Variants in RNF217 observed in about 807,000 individuals in gnomAD.
RNF217 encodes the protein E3 ubiquitin-protein ligase RNF217.
Under a neutral mutation model 57.8 loss-of-function variants are expected in RNF217, and 31 were observed. The observed-to-expected ratio is 0.54, with a 90% confidence interval of 0.40 to 0.72. The LOEUF is 0.72. Among genes scored for constraint, RNF217 ranks in the 30% least tolerant of loss-of-function variants. The pLI is 0.00. For synonymous variants in RNF217, 313 were observed against 294.0 expected (o/e 1.06, Z -0.66); for missense variants, 696 against 708.3 (o/e 0.98, Z 0.20).
chr6:125,020,411 T>C (rs1382486778), intron 1 of RNF217, among the ~76,000 whole-genome samples: 1 of 152,182 alleles, frequency 6.6e-6, no homozygotes, highest in Admixed American at 6.5e-5. Flanking sequence ...AGACAAACAA[T>C]ATTCTGTGAG....
intron 3 of RNF217, among the ~76,000 whole-genome samples, chr6:125,067,127 T>C (rs144840539): frequency 1.3e-5 from 2 of 152,278 alleles, no homozygotes; most frequent in East Asian, 3.9e-4. Flanking sequence ...AGATTACAAT[T>C]AAAACTGCAA....
intron 2 of RNF217, among the ~76,000 whole-genome samples, chr6:125,056,466 A>G (rs1787526912): frequency 6.6e-6 from 1 of 152,218 alleles, no homozygotes; most frequent in Admixed American, 6.5e-5. Context: ...ATTTTTATAT[A>G]AAGTTAATAA....
At chr6:125,045,143 CAA>C (rs34249175) in intron 1 of RNF217, 66 bp from the exon 2 acceptor site, 548 of 865,816 alleles carry the variant, frequency 6.3e-4, no homozygotes, top group Non-Finnish European at 7.4e-4. Context: ...ATACTGTATA[CAA>C]AAAAAAAAAT....
At chr6:125,065,178 C>T (rs1787890612) in intron 3 of RNF217, among the ~76,000 whole-genome samples, 1 of 150,766 alleles carries the variant, frequency 6.6e-6, no homozygotes. Context: ...GTAGTCCCAG[C>T]TACTTGGGAG....
At chr6:125,013,552 A>G (rs1455489000) in intron 1 of RNF217, among the ~76,000 whole-genome samples, 1 of 148,718 alleles carries the variant, frequency 6.7e-6, no homozygotes, top group Non-Finnish European at 1.5e-5. Flanking sequence ...ATGTCTGGGA[A>G]AAAAAAAAAA....
rs1788951561 is a variant in RNF217 at position 125,091,522 on chromosome 6, C to T, written c.*8585C>T. On this transcript the variant is annotated 3_prime_UTR_variant, in exon 6 of 6. Transcript: ENST00000521654. The stretch of plus-strand genomic sequence containing the variant: ...ATGTATTTTTCTTAAATTCATTGTT[C>T]ATTTTTAAGCTAACCTATACAAATG... The T allele has an allele frequency of 6.6e-6, 1 of 152,024 alleles. No homozygotes were observed. Among genetic ancestry groups the T allele is most frequent in the Non-Finnish European group, 1.5e-5 (1 of 67,960 alleles). The allele number at this position is 152,024 out of a possible 1,614,324, so 9.4% of individuals were successfully genotyped here.
At chr6:125,020,965 A>G (rs1404219709) in intron 1 of RNF217, among the ~76,000 whole-genome samples, 1 of 152,168 alleles carries the variant, frequency 6.6e-6, no homozygotes, top group Non-Finnish European at 1.5e-5. Flanking sequence ...AGAATTCATC[A>G]TGGCAAGTTG....
chr6:124,966,118 TAAGTTGGTTATTAA>T (rs753414168), intron 1 of RNF217, among the ~76,000 whole-genome samples: 13 of 152,230 alleles, frequency 8.5e-5, no homozygotes, highest in Non-Finnish European at 1.8e-4. Flanking sequence ...ACAGGTTTGC[TAAGTTGGTTATTAA>T]ACTTAGAATT....
At chr6:125,014,169 A>G (rs963575026) in intron 1 of RNF217, among the ~76,000 whole-genome samples, 5 of 152,190 alleles carry the variant, frequency 3.3e-5, no homozygotes, top group African/African-American at 1.2e-4. Flanking sequence ...ATGGATGGTC[A>G]TTAACTAAAT....
intron 1 of RNF217, among the ~76,000 whole-genome samples, chr6:125,022,999 A>C (rs1370113762): frequency 6.6e-6 from 1 of 152,168 alleles, no homozygotes; most frequent in Non-Finnish European, 1.5e-5. Context: ...TGCCAGAATA[A>C]ACAAGGCACA....
intron 5 of RNF217, chr6:125,082,333 G>T: frequency 9.6e-7 from 1 of 1,045,914 alleles, no homozygotes; most frequent in Non-Finnish European, 1.3e-6. Context: ...TGTCAACTTG[G>T]GTTTAGCAAG....
rs888446410 is a variant in RNF217 at position 125,087,476 on chromosome 6, A to G, written c.*4539A>G. On this transcript the variant is annotated 3_prime_UTR_variant, in exon 6 of 6. Coordinates refer to ENST00000521654, the MANE Select transcript of RNF217 (RefSeq NM_001286398.3). Reference sequence around the variant, plus strand: ...TTTTGTGTTAATATCTATTATAAATATAGCCTTAAAATTTTGTAATGCACT... The same window carrying G: ...TTTTGTGTTAATATCTATTATAAATGTAGCCTTAAAATTTTGTAATGCACT... The G allele has an allele frequency of 1.3e-5, 2 of 152,138 alleles. No homozygotes were observed. Among genetic ancestry groups the G allele is most frequent in the Non-Finnish European group, 2.9e-5 (2 of 68,014 alleles). 9.4% of individuals were successfully genotyped at this position (152,138 alleles called of 1,614,324 possible).
chr6:125,019,393 C>T (rs1444588591), intron 1 of RNF217, among the ~76,000 whole-genome samples: 1 of 152,186 alleles, frequency 6.6e-6, no homozygotes, highest in Non-Finnish European at 1.5e-5. Flanking sequence ...CATCCATCCT[C>T]TCGATAGCTA....
rs963645124 is a variant in RNF217 at position 125,088,137 on chromosome 6, G to C, written c.*5200G>C. 2.0e-5 allele frequency: 3 copies of C among 150,256 alleles called. No individual in the cohort carries two copies. Among genetic ancestry groups the C allele is most frequent in the Non-Finnish European group, 1.5e-5 (1 of 67,804 alleles). The allele number at this position is 150,256 out of a possible 1,614,324, so 9.3% of individuals were successfully genotyped here. A position where few individuals can be genotyped will look rare whatever the true frequency, so the allele number is the denominator to read the frequency against. On this transcript the variant is annotated 3_prime_UTR_variant, in exon 6 of 6. Transcript: ENST00000521654. ...CTGGAGTAGCTGGGATTACAAGCACGTGCCTACTATGCCTGTCTTCAAAAT... is the reference window on the plus strand; with the variant it reads ...CTGGAGTAGCTGGGATTACAAGCACCTGCCTACTATGCCTGTCTTCAAAAT...
intron 3 of RNF217, among the ~76,000 whole-genome samples, chr6:125,072,399 C>CT (rs1788182099): frequency 6.6e-6 from 1 of 152,088 alleles, no homozygotes; most frequent in Non-Finnish European, 1.5e-5. Flanking sequence ...TACAAGGTTA[C>CT]TATAGAGCTT....
chr6:125,011,745 G>A (rs1785422327), intron 1 of RNF217, among the ~76,000 whole-genome samples: 1 of 151,858 alleles, frequency 6.6e-6, no homozygotes, highest in African/African-American at 2.4e-5. Flanking sequence ...TTTCTTTCAT[G>A]GAATTTTCCC....
chr6:124,962,525 G>T lies in RNF217; in HGVS notation c.-20G>T. On this transcript the variant is annotated 5_prime_UTR_variant, in exon 1 of 6. Transcript: ENST00000521654. This position sits in a 1 kb window ranked among gnomAD's most constrained non-coding sequence, Gnocchi z 4.6. ...TCCCGGCGGCTGGATGGGCAGCGGCGGCGCGGGCCGCGGGCGGCGATGGGC... is the reference window on the plus strand; with the variant it reads ...TCCCGGCGGCTGGATGGGCAGCGGCTGCGCGGGCCGCGGGCGGCGATGGGC... 8.6e-7 allele frequency: 1 copy of T among 1,156,118 alleles called. No individual in the cohort carries two copies. The highest frequency in any genetic ancestry group is 4.2e-5 in the South Asian group (1 of 23,672). The allele number at this position is 1,156,118 out of a possible 1,614,324, so 71.6% of individuals were successfully genotyped here. A position where few individuals can be genotyped will look rare whatever the true frequency, so the allele number is the denominator to read the frequency against.
intron 2 of RNF217, among the ~76,000 whole-genome samples, chr6:125,056,770 T>A (rs554772920): frequency 6.6e-6 from 1 of 152,344 alleles, no homozygotes; most frequent in Non-Finnish European, 1.5e-5. Context: ...ATTTTATTAA[T>A]CCATTGTAAT....
chr6:125,056,758 A>G (rs1233302258), intron 2 of RNF217, among the ~76,000 whole-genome samples: 1 of 152,226 alleles, frequency 6.6e-6, no homozygotes, highest in Non-Finnish European at 1.5e-5. Flanking sequence ...TCATAATGAG[A>G]CATTTTATTA....
Sources: allele counts gnomAD v4.1 joint callset (sites outside exome capture counted in the v4.1 genomes callset), GRCh38; gene constraint gnomAD v4.1.1; non-coding constraint Gnocchi (gnomAD v3.1); transcripts MANE v1.5; gene names NCBI Gene and HGNC (gene_info 2026-07-23, HGNC 2026-07-21).